The following MAF variants were observed in gnomAD, a reference collection of about 807,000 sequenced individuals.
MAF encodes MAF bZIP transcription factor, also known as transcription factor Maf.
Under a neutral mutation model 22.0 loss-of-function variants are expected in MAF, and 10 were observed. The observed-to-expected ratio is 0.45, with a 90% CI of 0.28 to 0.77. The LOEUF is 0.77. MAF is among the 30% of genes least tolerant of loss of function. The probability of loss-of-function intolerance (pLI) is 0.12; values close to 1 mark genes in which losing one functional copy is unlikely to be tolerated. For synonymous variants in MAF, 337 were observed against 255.8 expected, an observed-to-expected ratio of 1.32 and a Z score of -3.03; for missense variants, 544 against 548.4, an observed-to-expected ratio of 0.99 and a Z score of 0.08.
At chr16:79,380,268 G>T in the MAF span, among the ~76,000 whole-genome samples, 1 of 152,168 alleles carries the variant, frequency 6.6e-6, no homozygotes. Context: ...TATTGACTGT[G>T]AATCCTCAGT....
chr16:79,401,470 C>T, the MAF span, among the ~76,000 whole-genome samples: 1 of 152,060 alleles, frequency 6.6e-6, no homozygotes, highest in Non-Finnish European at 1.5e-5. Context: ...GCATTTAAAC[C>T]CAGGGTCTAC....
the MAF span, among the ~76,000 whole-genome samples, chr16:79,366,577 G>C: frequency 6.6e-6 from 1 of 152,180 alleles, no homozygotes; most frequent in African/African-American, 2.4e-5. Flanking sequence ...GTGTACCTGT[G>C]TGACTTACTT....
the MAF span, among the ~76,000 whole-genome samples, chr16:79,293,812 A>T: frequency 6.6e-6 from 1 of 151,476 alleles, no homozygotes; most frequent in Non-Finnish European, 1.5e-5. Flanking sequence ...GCCAGTCTAT[A>T]ATTTCTCACT....
At chr16:79,215,479 G>T in the MAF span, among the ~76,000 whole-genome samples, 1 of 152,176 alleles carries the variant, frequency 6.6e-6, no homozygotes, top group Admixed American at 6.5e-5. Context: ...AGATATTGGC[G>T]TATCATCAGC....
the MAF span, among the ~76,000 whole-genome samples, chr16:79,413,612 C>G: frequency 2.6e-5 from 4 of 152,020 alleles, no homozygotes; most frequent in Non-Finnish European, 4.4e-5. Context: ...AAAATGAGAC[C>G]TACTTCATAG....
At chr16:79,362,826 G>A in the MAF span, among the ~76,000 whole-genome samples, 1 of 152,244 alleles carries the variant, frequency 6.6e-6, no homozygotes, top group Non-Finnish European at 1.5e-5. Flanking sequence ...CAAAGCAAGT[G>A]CTTTGCTCTT....
At chr16:79,259,184 C>T in the MAF span, among the ~76,000 whole-genome samples, 5 of 152,132 alleles carry the variant, frequency 3.3e-5, no homozygotes, top group Admixed American at 6.5e-5. Context: ...TCGAATCCTC[C>T]GTGACTTACC....
chr16:79,389,554 G>A, the MAF span, among the ~76,000 whole-genome samples: 26 of 152,154 alleles, frequency 1.7e-4, no homozygotes, highest in Non-Finnish European at 2.8e-4. Context: ...GAGCCACCGC[G>A]TCCAGCTAAA....
the MAF span, among the ~76,000 whole-genome samples, chr16:79,352,843 A>G: frequency 5.4e-4 from 82 of 152,334 alleles, no homozygotes; most frequent in African/African-American, 1.7e-3. Context: ...ACGTCCCTAG[A>G]CATTGCAAAA....
the MAF span, among the ~76,000 whole-genome samples, chr16:79,548,188 A>G: frequency 6.6e-6 from 1 of 152,156 alleles, no homozygotes; most frequent in African/African-American, 2.4e-5. Context: ...TCAAGATTTG[A>G]TTAAAACACA....
chr16:79,559,152 C>A, the MAF span, among the ~76,000 whole-genome samples: 2 of 152,152 alleles, frequency 1.3e-5, no homozygotes, highest in Admixed American at 6.5e-5. Context: ...TTTGGGCGGG[C>A]TTAGCTAGTA....
At chr16:79,294,914 A>G in the MAF span, among the ~76,000 whole-genome samples, 168 of 152,330 alleles carry the variant, frequency 1.1e-3, 2 homozygotes, top group African/African-American at 3.8e-3. Context: ...ACAAGGAACA[A>G]AGAAGGAGGG....
the MAF span, among the ~76,000 whole-genome samples, chr16:79,574,814 G>T: frequency 1.3e-5 from 2 of 152,248 alleles, no homozygotes; most frequent in African/African-American, 4.8e-5. Flanking sequence ...ACTAGGAAGG[G>T]CAGATGAAGC....
At chr16:79,221,003 T>G in the MAF span, among the ~76,000 whole-genome samples, 1 of 152,088 alleles carries the variant, frequency 6.6e-6, no homozygotes, top group Non-Finnish European at 1.5e-5. Context: ...GTCAGCGAAA[T>G]AAAAAAAGGC....
the MAF span, among the ~76,000 whole-genome samples, chr16:79,511,179 C>A: frequency 6.6e-6 from 1 of 152,136 alleles, no homozygotes; most frequent in Non-Finnish European, 1.5e-5. Flanking sequence ...TTTACCTTTT[C>A]TCTCCAAACC....
chr16:79,586,941 C>T (rs1001616872), intron 1 of MAF, among the ~76,000 whole-genome samples: 4 of 152,144 alleles, frequency 2.6e-5, no homozygotes, highest in African/African-American at 7.2e-5. Flanking sequence ...TTTCTTTAAT[C>T]CCCCACACTT....
At chr16:79,284,374 A>G in the MAF span, among the ~76,000 whole-genome samples, 1 of 152,188 alleles carries the variant, frequency 6.6e-6, no homozygotes, top group African/African-American at 2.4e-5. Context: ...ACTTGGCAAC[A>G]TCACCCCTTA....
chr16:79,389,012 A>G, the MAF span, among the ~76,000 whole-genome samples: 1 of 152,238 alleles, frequency 6.6e-6, no homozygotes, highest in Non-Finnish European at 1.5e-5. Flanking sequence ...AGGGCACGAA[A>G]TATGAAACTA....
chr16:79,237,633 G>A, the MAF span, among the ~76,000 whole-genome samples: 3 of 151,908 alleles, frequency 2.0e-5, no homozygotes, highest in African/African-American at 7.3e-5. Context: ...AGGGGAAAGC[G>A]TGCTGTGCTT....
Sources: gnomAD v4.1 joint callset for allele counts (sites outside exome capture counted in the v4.1 genomes callset) on GRCh38, gnomAD v4.1.1 for gene constraint, MANE v1.5 for transcripts, NCBI Gene and HGNC (gene_info 2026-07-23, HGNC 2026-07-21) for gene names.